MAD1L1: variants seen among roughly 807,000 people sequenced by gnomAD.
MAD1L1 encodes mitotic arrest deficient 1 like 1, also known as mitotic spindle assembly checkpoint protein MAD1.
In MAD1L1, 95 loss-of-function variants were observed where a neutral mutation model predicts 96.9. The observed-to-expected ratio is 0.98, with a 90% CI of 0.83 to 1.16. The LOEUF (loss-of-function observed/expected upper bound fraction) is 1.16. Ranked by LOEUF, MAD1L1 falls within the 50% of genes most tolerant of loss-of-function variation. The pLI is 0.00. For missense variants in MAD1L1, 1,007 were observed against 954.4 expected (o/e 1.06, Z -0.73); for synonymous variants, 473 against 396.6 (o/e 1.19, Z -2.29).
chr7:2,090,879 C>A (rs1786176706), intron 11 of MAD1L1, among the ~76,000 whole-genome samples: 1 of 152,154 alleles, frequency 6.6e-6, no homozygotes, highest in Non-Finnish European at 1.5e-5. Flanking sequence ...CGGAGCCTGG[C>A]CTACCCTAGG....
chr7:1,910,232 G>C (rs1055991067), intron 17 of MAD1L1, among the ~76,000 whole-genome samples: 9 of 152,140 alleles, frequency 5.9e-5, no homozygotes, highest in Non-Finnish European at 1.0e-4. Context: ...CGGCAGCAGA[G>C]GCCCAGCGGA....
chr7:1,873,052 C>T lies in MAD1L1; in HGVS notation c.1998+25148G>A, dbSNP rs368069058. 3.9e-4 allele frequency among the ~76,000 whole-genome samples: 60 copies of T among 152,360 alleles called. No individual in the cohort carries two copies. In the East Asian group the frequency reaches 9.6e-3, roughly 24 times the overall value. On this transcript the variant is annotated intron_variant, in intron 18 of 18. Transcript: ENST00000265854. ...AAGAAAGGGCCCAGCCCAGCAATGA[C>T]GCAACGAGTCACACAGGGAAGGGCT... is the stretch of plus-strand genomic sequence containing the variant.
At chr7:2,083,082 C>G (rs1785734859) in intron 11 of MAD1L1, among the ~76,000 whole-genome samples, 1 of 152,238 alleles carries the variant, frequency 6.6e-6, no homozygotes, top group South Asian at 2.1e-4. Context: ...CCTGGGTACC[C>G]AGGGCTGACA....
At chr7:1,867,595 A>G (rs745901776) in intron 18 of MAD1L1, among the ~76,000 whole-genome samples, 36 of 152,140 alleles carry the variant, frequency 2.4e-4, no homozygotes, top group Non-Finnish European at 4.9e-4. Context: ...TCTCAGCAGC[A>G]CTCTGCCAGA....
chr7:2,112,795 T>C (rs1458761059), intron 11 of MAD1L1, among the ~76,000 whole-genome samples: 1 of 148,728 alleles, frequency 6.7e-6, no homozygotes, highest in East Asian at 2.0e-4. Flanking sequence ...ACTGGGAAAG[T>C]GGCGGACTGC....
intron 3 of MAD1L1, among the ~76,000 whole-genome samples, chr7:2,227,750 T>C (rs960751774): frequency 1.3e-5 from 2 of 152,144 alleles, no homozygotes; most frequent in African/African-American, 4.8e-5. Flanking sequence ...TCAGCAGCCT[T>C]CCTGGTCTCA....
chr7:2,120,145 C>T (rs1410041344), intron 11 of MAD1L1, among the ~76,000 whole-genome samples: 1 of 152,230 alleles, frequency 6.6e-6, no homozygotes, highest in Non-Finnish European at 1.5e-5. Flanking sequence ...GGCCACCTCC[C>T]CCTCTCTTGG....
rs114013751 is a variant in MAD1L1 at position 2,220,916 on chromosome 7, G to A, written c.472-1460C>T. On this transcript the variant is annotated intron_variant, in intron 5 of 18. Coordinates refer to ENST00000265854, the MANE Select transcript of MAD1L1 (RefSeq NM_001013836.2). ...CAGGGGCAAGGCCAGATGCAGGGCC[G>A]AGCCCACCTGCCCACAGGGTCACCC... The A allele has an allele frequency of 0.01, 16,128 of 1,611,944 alleles. 937 individuals carry two copies. The African/African-American group carries it at 0.15, about 15-fold the overall frequency.
chr7:1,882,806 G>A (rs555481118), intron 18 of MAD1L1, among the ~76,000 whole-genome samples: 80 of 152,358 alleles, frequency 5.3e-4, no homozygotes, highest in African/African-American at 1.9e-3. Flanking sequence ...CAGGGCGGCC[G>A]TGACTCTGAT....
intron 16 of MAD1L1, among the ~76,000 whole-genome samples, chr7:1,945,435 G>A (rs980617245): frequency 9.2e-5 from 14 of 152,228 alleles, no homozygotes; most frequent in African/African-American, 2.4e-4. Context: ...TTAGAGTAAC[G>A]CAGGAAGTAA....
chr7:1,894,530 G>A (rs1474557659), intron 18 of MAD1L1, among the ~76,000 whole-genome samples: 1 of 152,232 alleles, frequency 6.6e-6, no homozygotes, highest in Non-Finnish European at 1.5e-5. Context: ...AGCCTCCGAA[G>A]TGAGCCACAG....
chr7:1,853,995 A>G (rs1316370640), intron 18 of MAD1L1, among the ~76,000 whole-genome samples: 1 of 152,176 alleles, frequency 6.6e-6, no homozygotes, highest in African/African-American at 2.4e-5. Context: ...TCCCGGCGCC[A>G]TTCTCATGCC....
At chr7:2,002,544 G>A (rs1352078138) in intron 13 of MAD1L1, among the ~76,000 whole-genome samples, 5 of 152,192 alleles carry the variant, frequency 3.3e-5, no homozygotes, top group Admixed American at 3.3e-4. Context: ...TTAAAGAACA[G>A]AATCAGGTGA....
chr7:2,069,353 C>G lies in MAD1L1; in HGVS notation c.1074-15G>C. ...GCCCCCGGGCGCTGCATGGGAGAGA[C>G]AAGAGGGCAAAGCAATGAAGCCTGG... is the stretch of plus-strand genomic sequence containing the variant. On this transcript the variant is annotated splice_polypyrimidine_tract_variant and intron_variant, in intron 11 of 18. Transcript: ENST00000265854. The G allele has an allele frequency of 6.4e-7, 1 of 1,571,880 alleles. No individual in the cohort carries two copies. Among genetic ancestry groups the G allele is most frequent in the Non-Finnish European group, 8.6e-7 (1 of 1,165,366 alleles).
chr7:1,824,668 G>A (rs893222071), intron 18 of MAD1L1, among the ~76,000 whole-genome samples: 5 of 152,318 alleles, frequency 3.3e-5, no homozygotes, highest in African/African-American at 1.2e-4. Context: ...GGGCGTGCCT[G>A]GATGGCATCT....
At chr7:2,190,715 T>C (rs916997589) in intron 10 of MAD1L1, among the ~76,000 whole-genome samples, 1 of 152,204 alleles carries the variant, frequency 6.6e-6, no homozygotes, top group East Asian at 1.9e-4. Flanking sequence ...TCAACATCAT[T>C]AGTCACCAGG....
intron 11 of MAD1L1, among the ~76,000 whole-genome samples, chr7:2,101,974 T>C (rs1415429014): frequency 6.6e-6 from 1 of 152,136 alleles, no homozygotes; most frequent in Non-Finnish European, 1.5e-5. Context: ...GAATCTGCCA[T>C]GGGTGGGAGT....
intron 10 of MAD1L1, among the ~76,000 whole-genome samples, chr7:2,176,341 C>T (rs1790945607): frequency 1.3e-5 from 2 of 152,024 alleles, no homozygotes; most frequent in African/African-American, 2.4e-5. Flanking sequence ...AGTGAGACTC[C>T]GTCTCCAGGA....
At chr7:1,884,350 C>A (rs537495383) in intron 18 of MAD1L1, among the ~76,000 whole-genome samples, 239 of 152,324 alleles carry the variant, frequency 1.6e-3, no homozygotes, top group African/African-American at 5.3e-3. Flanking sequence ...CATGTCCGGG[C>A]AGCCACCAGC....
Sources: allele counts gnomAD v4.1 joint callset (sites outside exome capture counted in the v4.1 genomes callset), GRCh38; gene constraint gnomAD v4.1.1; transcripts MANE v1.5; gene names NCBI Gene and HGNC (gene_info 2026-07-23, HGNC 2026-07-21).